The following SFMBT1 variants were observed in gnomAD, a reference collection of about 807,000 sequenced individuals.
SFMBT1 encodes scm-like with four MBT domains protein 1.
In SFMBT1, 32 loss-of-function variants were observed where a neutral mutation model predicts 108.7. The ratio of observed to expected loss-of-function variants is 0.29; its 90% CI spans 0.22 to 0.40. SFMBT1 has a LOEUF of 0.40. Among genes scored for constraint, SFMBT1 ranks in the 10% least tolerant of loss-of-function variants. The pLI, the probability that SFMBT1 is intolerant of heterozygous loss-of-function variation, is 1.00. For synonymous variants in SFMBT1, 348 were observed against 369.5 expected, an observed-to-expected ratio of 0.94 and a Z score of 0.67; for missense variants, 816 against 1,059.6, an observed-to-expected ratio of 0.77 and a Z score of 3.19.
At chr3:52,945,704 G>C (rs1213031595) in intron 3 of SFMBT1, among the ~76,000 whole-genome samples, 1 of 151,360 alleles carries the variant, frequency 6.6e-6, no homozygotes, top group African/African-American at 2.4e-5. Flanking sequence ...CTACTCAGGA[G>C]ACAAAGGCAG....
intron 1 of SFMBT1, among the ~76,000 whole-genome samples, chr3:52,988,204 T>C (rs1285236995): frequency 6.6e-6 from 1 of 152,226 alleles, no homozygotes; most frequent in African/African-American, 2.4e-5. Flanking sequence ...CTTTGTATTG[T>C]TACATTAAAC....
intron 1 of SFMBT1, among the ~76,000 whole-genome samples, chr3:53,002,713 T>A (rs1698601513): frequency 6.7e-6 from 1 of 150,192 alleles, no homozygotes. Flanking sequence ...CAACACCTGC[T>A]CAGCACCAGC....
rs1238781294 is a variant in SFMBT1 at position 52,951,570 on chromosome 3, C to CCAT, written c.123+2746_123+2747insATG. Reference sequence around the variant, plus strand: ...TAGCTGGGATTACAGGTGCTTGCTACGACTGGCTAATTTTTGTATTTTTAG... The same window carrying CCAT: ...TAGCTGGGATTACAGGTGCTTGCTACCATGACTGGCTAATTTTTGTATTTTTAG... On this transcript the variant is annotated intron_variant, in intron 3 of 20. Transcript: ENST00000394752. 7.9e-5 allele frequency among the ~76,000 whole-genome samples: 12 copies of CCAT among 151,776 alleles called. No individual in the cohort carries two copies. In the East Asian group the frequency reaches 2.1e-3, roughly 27 times the overall value.
chr3:52,953,647 T>A (rs1286227988), intron 3 of SFMBT1, among the ~76,000 whole-genome samples: 1 of 152,082 alleles, frequency 6.6e-6, no homozygotes, highest in Non-Finnish European at 1.5e-5. Context: ...TCAGTAAGAG[T>A]GACAGCAAAT....
Position 52,904,041 on chromosome 3 carries a change from T to G in SFMBT1, c.*1095A>C, listed in dbSNP as rs1438101883. ...GAGGACACTGCTAACAGAAACTCCATGCTCTGCGTTACCCTCCAAAACATG... is the reference window on the plus strand; with the variant it reads ...GAGGACACTGCTAACAGAAACTCCAGGCTCTGCGTTACCCTCCAAAACATG... On this transcript the variant is annotated 3_prime_UTR_variant, in exon 21 of 21. Transcript: ENST00000394752. 1 of 152,232 alleles carries G rather than the reference T, an allele frequency of 6.6e-6. No homozygotes were observed. Among genetic ancestry groups the G allele is most frequent in the Admixed American group, 6.5e-5 (1 of 15,272 alleles). 9.4% of individuals were successfully genotyped at this position (152,232 alleles called of 1,614,324 possible). A position where few individuals can be genotyped will look rare whatever the true frequency, so the allele number is the denominator to read the frequency against.
At chr3:52,920,690 C>CAAACAAA in intron 11 of SFMBT1, 40 bp from the exon 12 acceptor site, 1 of 1,322,606 alleles carries the variant, frequency 7.6e-7, no homozygotes, top group Non-Finnish European at 1.1e-6. Flanking sequence ...AACAAACAAA[C>CAAACAAA]CTTTTTTTAG....
intron 1 of SFMBT1, among the ~76,000 whole-genome samples, chr3:53,017,619 CAAG>C (rs1301139706): frequency 1.3e-5 from 2 of 152,168 alleles, no homozygotes; most frequent in African/African-American, 2.4e-5. Flanking sequence ...TCTCATGGAA[CAAG>C]AAGGAACTTA....
At chr3:52,925,161 T>C (rs1406316784) in intron 10 of SFMBT1, among the ~76,000 whole-genome samples, 2 of 151,700 alleles carry the variant, frequency 1.3e-5, no homozygotes, top group Non-Finnish European at 2.9e-5. Flanking sequence ...GCGGAGGCTA[T>C]AGTGAGCTGA....
At chr3:53,024,895 T>C (rs887916611) in intron 1 of SFMBT1, among the ~76,000 whole-genome samples, 1 of 152,144 alleles carries the variant, frequency 6.6e-6, no homozygotes, top group African/African-American at 2.4e-5. Flanking sequence ...TTTAACCAAA[T>C]ATAAGAATAT....
At chr3:52,974,153 A>G (rs1704438469) in intron 1 of SFMBT1, among the ~76,000 whole-genome samples, 1 of 152,064 alleles carries the variant, frequency 6.6e-6, no homozygotes, top group Non-Finnish European at 1.5e-5. Flanking sequence ...GGTGGCTGGA[A>G]AAACAAAACA....
chr3:52,907,513 A>C, intron 18 of SFMBT1, 42 bp downstream of exon 18: 3 of 1,587,452 alleles, frequency 1.9e-6, no homozygotes, highest in Non-Finnish European at 2.6e-6. Context: ...AGCAGTGGTC[A>C]CTTGGCTTCA....
intron 4 of SFMBT1, among the ~76,000 whole-genome samples, chr3:52,939,578 A>T (rs1428805821): frequency 1.3e-5 from 2 of 152,162 alleles, no homozygotes; most frequent in Non-Finnish European, 1.5e-5. Flanking sequence ...TCTGTCTCAA[A>T]AAATAAATAA....
intron 4 of SFMBT1, among the ~76,000 whole-genome samples, chr3:52,935,316 C>T (rs1702974129): frequency 6.6e-6 from 1 of 152,222 alleles, no homozygotes; most frequent in South Asian, 2.1e-4. Flanking sequence ...AACTCGAGGG[C>T]TTAATCCAGC....
chr3:52,913,341 C>A (rs1702260485), intron 15 of SFMBT1, 137 bp downstream of exon 15: 2 of 1,114,388 alleles, frequency 1.8e-6, no homozygotes, highest in Non-Finnish European at 2.5e-6. Flanking sequence ...TCTTCACTGT[C>A]CAAAACATGA....
At chr3:52,987,559 T>C (rs1371699573) in intron 1 of SFMBT1, among the ~76,000 whole-genome samples, 1 of 152,198 alleles carries the variant, frequency 6.6e-6, no homozygotes, top group Non-Finnish European at 1.5e-5. Flanking sequence ...GGGGCAGCAT[T>C]TGAACCCTCA....
Position 52,930,350 on chromosome 3 carries a change from G to T in SFMBT1, c.876C>A (p.Ile292=), listed in dbSNP as rs764940810. The change falls in exon 8 of 21, where the codon ATC becomes ATA. Residue 292 remains isoleucine (I), a synonymous_variant. Coordinates refer to ENST00000394752, the MANE Select transcript of SFMBT1 (RefSeq NM_016329.4). ...TTACCTTAACAACTGTAGCAGGAGA[G>T]ATCCCAAAAGGAGACCAGGGGTCTA... ...EAVDPWSPFG[I]SPATVVKVFD... The T allele has an allele frequency of 9.3e-6, 15 of 1,605,974 alleles. No homozygotes were observed. In the Admixed American group the frequency reaches 2.5e-4, roughly 27 times the overall value.
At chr3:52,960,715 A>G (rs979466298) in intron 2 of SFMBT1, among the ~76,000 whole-genome samples, 2 of 152,264 alleles carry the variant, frequency 1.3e-5, no homozygotes, top group Non-Finnish European at 2.9e-5. Flanking sequence ...TTGTACACAA[A>G]TGTTCATAGC....
At chr3:53,029,258 C>T (rs1411523890) in intron 1 of SFMBT1, among the ~76,000 whole-genome samples, 14 of 151,396 alleles carry the variant, frequency 9.2e-5, no homozygotes, top group Non-Finnish European at 2.1e-4. Flanking sequence ...AATTGTCACA[C>T]TTTTTAGGAA....
At chr3:52,914,515 G>C (rs910877270) in intron 14 of SFMBT1, among the ~76,000 whole-genome samples, 3 of 152,074 alleles carry the variant, frequency 2.0e-5, no homozygotes, top group Non-Finnish European at 4.4e-5. Flanking sequence ...CATCGCTTGA[G>C]TCCAGTTTGA....
Sources: gnomAD v4.1 joint callset for allele counts (sites outside exome capture counted in the v4.1 genomes callset) on GRCh38, gnomAD v4.1.1 for gene constraint, MANE v1.5 for transcripts, NCBI Gene and HGNC (gene_info 2026-07-23, HGNC 2026-07-21) for gene names.